Variants in UBR7 observed in about 807,000 individuals in gnomAD.
UBR7 encodes ubiquitin protein ligase E3 component n-recognin 7, also known as putative E3 ubiquitin-protein ligase UBR7.
A neutral mutation model predicts 57.0 loss-of-function variants in UBR7; 22 were observed. The ratio of observed to expected loss-of-function variants is 0.39; its 90% confidence interval spans 0.28 to 0.55. The LOEUF is 0.55. Among genes scored for constraint, UBR7 ranks in the 20% least tolerant of loss-of-function variants. The probability of loss-of-function intolerance (pLI) is 0.69; values close to 1 mark genes in which losing one functional copy is unlikely to be tolerated. For synonymous variants in UBR7, 167 were observed against 179.8 expected, an observed-to-expected ratio of 0.93 and a Z score of 0.57; for missense variants, 395 against 513.2, an observed-to-expected ratio of 0.77 and a Z score of 2.23.
chr14:93,223,732 G>A, intron 10 of UBR7: 2 of 800,290 alleles, frequency 2.5e-6, no homozygotes, highest in South Asian at 2.8e-5. Flanking sequence ...GCACTTGCTG[G>A]CTGCGATCTC....
At chr14:93,215,020 C>G (rs1472807047) in intron 5 of UBR7, 38 bp downstream of exon 5, 1 of 1,579,870 alleles carries the variant, frequency 6.3e-7, no homozygotes, top group Non-Finnish European at 8.7e-7. Flanking sequence ...CCATTGTTGT[C>G]ACAAAAAGAT....
rs779064944 is a variant in UBR7 at position 93,207,309 on chromosome 14, C to T, written c.18C>T (p.Gly6=). 19 of 1,556,554 alleles carry T rather than the reference C, an allele frequency of 1.2e-5. No homozygotes were observed. Among genetic ancestry groups the T allele is most frequent in the Admixed American group, 5.8e-5 (3 of 51,710 alleles). The change falls in exon 1 of 11, where the codon GGC becomes GGT. Residue 6 remains glycine, a synonymous_variant. Coordinates refer to ENST00000013070, the MANE Select transcript of UBR7 (RefSeq NM_175748.4). The stretch of plus-strand genomic sequence containing the variant: ...AGTTGAGGATGGCCGGAGCCGAGGG[C>T]GCCGCTGGGCGGCAGTCGGAGCTGG... MAGAE[G]AAGRQSELEP...
At chr14:93,223,943 C>T in intron 10 of UBR7, 1 of 730,528 alleles carries the variant, frequency 1.4e-6, no homozygotes, top group African/African-American at 1.7e-5. Context: ...AAACACCTGC[C>T]CACAGTAGAC....
chr14:93,212,831 T>C (rs1288440333), intron 4 of UBR7, among the ~76,000 whole-genome samples: 2 of 152,232 alleles, frequency 1.3e-5, no homozygotes, highest in Non-Finnish European at 2.9e-5. Flanking sequence ...ATTGTTCTTC[T>C]ACAGCAGAAT....
At chr14:93,213,206 C>A (rs1307152426) in intron 4 of UBR7, among the ~76,000 whole-genome samples, 2 of 152,090 alleles carry the variant, frequency 1.3e-5, no homozygotes, top group Admixed American at 6.6e-5. Flanking sequence ...GTTGTACCAG[C>A]AACAGTATAT....
chr14:93,218,411 TA>T (rs11441325), intron 6 of UBR7, 115 bp from the exon 7 acceptor site: 33,644 of 751,370 alleles, frequency 0.045, no homozygotes, highest in East Asian at 0.1. Flanking sequence ...ACTCTGTCTG[TA>T]AAAAAAAAAA....
At chr14:93,211,545 T>A (rs1048286949) in intron 3 of UBR7, among the ~76,000 whole-genome samples, 2 of 150,262 alleles carry the variant, frequency 1.3e-5, no homozygotes, top group Admixed American at 1.3e-4. Context: ...AGACTCCATC[T>A]CAAAAAAAAA....
At chr14:93,208,602 A>G (rs1364928505) in intron 1 of UBR7, among the ~76,000 whole-genome samples, 1 of 152,128 alleles carries the variant, frequency 6.6e-6, no homozygotes, top group African/African-American at 2.4e-5. Context: ...TCATGTACAC[A>G]GCTTGAAAGG....
rs559099818 is a variant in UBR7, at chr14:93,222,722, G to A, written c.1185+348G>A. 1.3e-4 allele frequency among the ~76,000 whole-genome samples: 19 copies of A among 151,640 alleles called. No individual in the cohort carries two copies. In the South Asian group the frequency reaches 2.9e-3, roughly 23 times the overall value. On this transcript the variant is annotated intron_variant, in intron 10 of 10. Transcript: ENST00000013070. ...CACGCCACTGCACCCCAGCCTGGGC[G>A]ACAGAGCAAGACCCTATTTCAAAAA...
At chr14:93,214,030 G>A (rs183401092) in intron 4 of UBR7, among the ~76,000 whole-genome samples, 4 of 152,008 alleles carry the variant, frequency 2.6e-5, no homozygotes, top group East Asian at 3.9e-4. Flanking sequence ...AGGTCCAAGC[G>A]ATTCTTCTGC....
chr14:93,210,832 A>G (rs1595264835), intron 3 of UBR7, 124 bp downstream of exon 3: 1 of 783,758 alleles, frequency 1.3e-6, no homozygotes, highest in East Asian at 2.7e-5. Context: ...TTCTTTGCAG[A>G]TGGCCATTTC....
At chr14:93,225,501 C>T (rs942339104) in intron 10 of UBR7, among the ~76,000 whole-genome samples, 4 of 150,404 alleles carry the variant, frequency 2.7e-5, no homozygotes, top group Non-Finnish European at 4.4e-5. Flanking sequence ...GGCATGGTGA[C>T]GTGTGCCTGT....
Position 93,228,597 on chromosome 14 carries a change from G to C in UBR7, c.*1562G>C, listed in dbSNP as rs1463249693. ...CTCACGAAGGGTGGTATGTGGAGCT[G>C]GAAGGTCTTGTGGCCACAGGACATG... On this transcript the variant is annotated 3_prime_UTR_variant, in exon 11 of 11. Transcript: ENST00000013070. The C allele has an allele frequency of 4.6e-5, 21 of 453,966 alleles. No individual in the cohort carries two copies. In the East Asian group the frequency reaches 9.7e-4, roughly 21 times the overall value. 28.1% of individuals were successfully genotyped at this position (453,966 alleles called of 1,614,324 possible).
intron 10 of UBR7, chr14:93,223,659 G>C: frequency 1.4e-6 from 2 of 1,385,462 alleles, no homozygotes; most frequent in Non-Finnish European, 2.0e-6. Flanking sequence ...GGCAGGACCC[G>C]GTGGGGCAGC....
intron 10 of UBR7, among the ~76,000 whole-genome samples, chr14:93,224,567 C>A (rs1263426): frequency 6.6e-6 from 1 of 151,634 alleles, no homozygotes; most frequent in South Asian, 2.1e-4. Flanking sequence ...TTAGTAGAGA[C>A]GGGGTTTCAC....
chr14:93,223,107 G>A (rs1225612440), intron 10 of UBR7, among the ~76,000 whole-genome samples: 1 of 152,116 alleles, frequency 6.6e-6, no homozygotes. Context: ...AATAGAAACT[G>A]GGCATGGTGG....
rs1483641817 is a variant in UBR7 at position 93,216,717 on chromosome 14, C to T, written c.601+1436C>T. On this transcript the variant is annotated intron_variant, in intron 6 of 10. Coordinates refer to ENST00000013070, the MANE Select transcript of UBR7 (RefSeq NM_175748.4). ...CTCAACCTTGCCTCCTGGGTTCAAG[C>T]GATTCTTGTGACGCGGCTTCCAGAG... is the stretch of plus-strand genomic sequence containing the variant. Among the ~76,000 whole-genome samples, 4 of 151,494 alleles carry T rather than the reference C, an allele frequency of 2.6e-5. No individual in the cohort carries two copies. The South Asian group carries it at 6.2e-4, about 24-fold the overall frequency.
At position 93,227,852 on chromosome 14, in the gene UBR7, G is replaced by C; in HGVS notation, c.*817G>C. The C allele has an allele frequency of 1.4e-6, 1 of 700,630 alleles. No homozygotes were observed. The highest frequency in any genetic ancestry group is 2.6e-6 in the Non-Finnish European group (1 of 384,796). 43.4% of individuals were successfully genotyped at this position (700,630 alleles called of 1,614,324 possible). On this transcript the variant is annotated 3_prime_UTR_variant, in exon 11 of 11. Transcript: ENST00000013070. ...TCTCTGCTGCCTAGAAAACAGACCG[G>C]GTCTCACCCCTGTGAAATCTTGGTG...
chr14:93,219,362 G>T lies in UBR7; in HGVS notation c.960+1G>T. On this transcript the variant is annotated splice_donor_variant, in intron 8 of 10. Transcript: ENST00000013070. LOFTEE classifies it high-confidence loss of function. The stretch of plus-strand genomic sequence containing the variant: ...GTTGTGTACCTGCCAAGACTGTATG[G>T]TAAAGTATCTGATTGTGCTCAGTGT... 6.2e-7 allele frequency: 1 copy of T among 1,614,162 alleles called. No homozygotes were observed. The highest frequency in any genetic ancestry group is 8.5e-7 in the Non-Finnish European group (1 of 1,180,026).
Sources: allele counts gnomAD v4.1 joint callset (sites outside exome capture counted in the v4.1 genomes callset), GRCh38; gene constraint gnomAD v4.1.1; transcripts MANE v1.5; gene names NCBI Gene and HGNC (gene_info 2026-07-23, HGNC 2026-07-21).